The following DICER1 variants were observed in gnomAD, a reference collection of about 807,000 sequenced individuals.
DICER1 encodes the protein dicer 1, ribonuclease III.
A neutral mutation model predicts 194.1 loss-of-function variants in DICER1; 43 were observed. The ratio of observed to expected loss-of-function variants is 0.22; its 90% CI spans 0.17 to 0.29. DICER1 has a LOEUF of 0.29. DICER1 is among the 10% of genes least tolerant of loss of function. The pLI is 1.00. For synonymous variants in DICER1, 832 were observed against 820.5 expected, an observed-to-expected ratio of 1.01 and a Z score of -0.24; for missense variants, 1,608 against 2,317.0, an observed-to-expected ratio of 0.69 and a Z score of 6.28.
At chr14:95,102,261 G>A (rs904781440) in intron 21 of DICER1, among the ~76,000 whole-genome samples, 1 of 152,114 alleles carries the variant, frequency 6.6e-6, no homozygotes, top group African/African-American at 2.4e-5. Flanking sequence ...CTCTGCTTCT[G>A]CTGTTGGTTT....
intron 21 of DICER1, among the ~76,000 whole-genome samples, chr14:95,102,517 C>T (rs767851059): frequency 5.9e-5 from 9 of 152,162 alleles, no homozygotes; most frequent in African/African-American, 1.2e-4. Flanking sequence ...GCTTCCCTGA[C>T]GCTGACATGC....
intron 1 of DICER1, among the ~76,000 whole-genome samples, chr14:95,142,772 G>A (rs1048586390): frequency 2.0e-4 from 31 of 152,098 alleles, no homozygotes; most frequent in African/African-American, 7.0e-4. Context: ...AAACAGGCAC[G>A]CCACATATCA....
chr14:95,090,989 G>C (rs868783360), intron 26 of DICER1, 45 bp downstream of exon 26: 16 of 1,523,788 alleles, frequency 1.1e-5, no homozygotes, highest in Admixed American at 1.7e-5. Context: ...TTTCCCCTTT[G>C]ATGTTTTTAA....
At chr14:95,126,523 T>C in intron 7 of DICER1, 57 bp downstream of exon 7, 2 of 1,163,570 alleles carry the variant, frequency 1.7e-6, no homozygotes, top group Non-Finnish European at 2.5e-6. Context: ...ATTTCAATAT[T>C]AAAAATTAAC....
At chr14:95,153,020 T>C (rs1895613009) in intron 1 of DICER1, among the ~76,000 whole-genome samples, 1 of 151,898 alleles carries the variant, frequency 6.6e-6, no homozygotes, top group African/African-American at 2.4e-5. Context: ...ATCAAGACCA[T>C]CCTGGCTAAA....
intron 21 of DICER1, among the ~76,000 whole-genome samples, chr14:95,100,829 C>T (rs28492915): frequency 0.016 from 2,465 of 152,242 alleles, 60 homozygotes; most frequent in African/African-American, 0.057. Flanking sequence ...CCTGAGGGAA[C>T]GATGGCAGCA....
At chr14:95,138,947 C>A (rs1894627060) in intron 1 of DICER1, among the ~76,000 whole-genome samples, 1 of 139,404 alleles carries the variant, frequency 7.2e-6, no homozygotes, top group African/African-American at 2.6e-5. Flanking sequence ...TGCACATGTA[C>A]CCTAAAACTT....
Position 95,086,462 on chromosome 14 carries a change from T to C in DICER1, c.*4036A>G, listed in dbSNP as rs1252940486. 2 of 233,288 alleles carry C rather than the reference T, an allele frequency of 8.6e-6. No individual in the cohort carries two copies. The highest frequency in any genetic ancestry group is 1.7e-5 in the Non-Finnish European group (2 of 117,902). The allele number at this position is 233,288 out of a possible 1,614,324, so 14.5% of individuals were successfully genotyped here. A position where few individuals can be genotyped will look rare whatever the true frequency, so the allele number is the denominator to read the frequency against. On this transcript the variant is annotated 3_prime_UTR_variant, in exon 27 of 27. Transcript: ENST00000343455. ...CTTGATTTTAGTAATTTTCCTTCAC[T>C]ATTTACAGCAGAAAAGCCAGAAATT...
At chr14:95,120,475 A>G (rs1423317773) in intron 8 of DICER1, among the ~76,000 whole-genome samples, 1 of 152,232 alleles carries the variant, frequency 6.6e-6, no homozygotes, top group African/African-American at 2.4e-5. Context: ...TTCACAAAAT[A>G]TACATCCACA....
At chr14:95,111,761 A>G (rs933915847) in intron 13 of DICER1, among the ~76,000 whole-genome samples, 1 of 151,836 alleles carries the variant, frequency 6.6e-6, no homozygotes, top group African/African-American at 2.4e-5. Flanking sequence ...CCACTTATAC[A>G]GGAGCAGGAT....
intron 10 of DICER1, among the ~76,000 whole-genome samples, 182 bp from the exon 11 acceptor site, chr14:95,116,003 C>T (rs1230485324): frequency 6.6e-6 from 1 of 151,888 alleles, no homozygotes; most frequent in Non-Finnish European, 1.5e-5. Context: ...CAGTTCCAAT[C>T]GTATGGAGAC....
At chr14:95,153,412 T>C (rs1042087827) in intron 1 of DICER1, among the ~76,000 whole-genome samples, 1 of 152,238 alleles carries the variant, frequency 6.6e-6, no homozygotes, top group Non-Finnish European at 1.5e-5. Context: ...CCTGTATTAC[T>C]AAAGCTTTTC....
At chr14:95,108,145 C>A (rs772362287) in intron 15 of DICER1, 52 bp from the exon 16 acceptor site, 4 of 1,436,238 alleles carry the variant, frequency 2.8e-6, no homozygotes, top group Non-Finnish European at 3.9e-6. Context: ...GTATTTTATT[C>A]CATTACAGTT....
intron 14 of DICER1, among the ~76,000 whole-genome samples, chr14:95,109,467 C>T (rs1891757637): frequency 6.6e-6 from 1 of 152,208 alleles, no homozygotes; most frequent in Admixed American, 6.5e-5. Context: ...TTCCTGGCCT[C>T]AAGTGATCCT....
rs368963384 is a variant in DICER1 at position 95,096,100 on chromosome 14, C to A, written c.4820G>T (p.Arg1607Leu). ...TDREKALCPT[R>L]ENFNSQQKNL... ...CTTTTGTTGGCTGTTGAAATTCTCC[C>A]GAGTAGGGCACAGGGCCTTTTCCCG... Residue 1607 changes from arginine (R) to leucine (L), a missense_variant, in exon 23 of 27, where the codon CGG becomes CTG. Physicochemically the swap from Arg to Leu is moderately radical, Grantham distance 102. Transcript: ENST00000343455. 1.2e-6 allele frequency: 2 copies of A among 1,614,144 alleles called. No homozygotes were observed. The highest frequency in any genetic ancestry group is 1.7e-5 in the Admixed American group (1 of 60,012).
chr14:95,097,785 G>C (rs1890494673), intron 22 of DICER1, among the ~76,000 whole-genome samples: 1 of 152,118 alleles, frequency 6.6e-6, no homozygotes, highest in Non-Finnish European at 1.5e-5. Context: ...CACTACATTT[G>C]TCTGAAAAGA....
Position 95,124,788 on chromosome 14 carries a change from A to T in DICER1, c.904-120T>A. On this transcript the variant is annotated intron_variant, in intron 7 of 26. Transcript: ENST00000343455. This position sits in a 1 kb window ranked among gnomAD's most constrained non-coding sequence, Gnocchi z 4.5. ...GGCTCCTTAAATGTAACCCAGCCTT[A>T]GGTTAAGTCCCTGAAGGTGGGGGGA... 3 of 843,962 alleles carry T rather than the reference A, an allele frequency of 3.6e-6. No individual in the cohort carries two copies. The highest frequency in any genetic ancestry group is 5.7e-6 in the Non-Finnish European group (3 of 527,974). The allele number at this position is 843,962 out of a possible 1,614,324, so 52.3% of individuals were successfully genotyped here.
chr14:95,106,363 C>A (rs1213772299), intron 17 of DICER1, 140 bp from the exon 18 acceptor site: 5 of 691,020 alleles, frequency 7.2e-6, no homozygotes, highest in African/African-American at 1.8e-5. Context: ...ATCTGTATTC[C>A]AAATATATTT....
chr14:95,133,780 AAAATAAG>A (rs1395289234), intron 1 of DICER1, among the ~76,000 whole-genome samples: 1 of 152,204 alleles, frequency 6.6e-6, no homozygotes. Flanking sequence ...TTATTACTTA[AAAATAAG>A]AAATAACTTT....
Sources: gnomAD v4.1 joint callset for allele counts (sites outside exome capture counted in the v4.1 genomes callset) on GRCh38, gnomAD v4.1.1 for gene constraint, Gnocchi (gnomAD v3.1) non-coding constraint, MANE v1.5 for transcripts, NCBI Gene and HGNC (gene_info 2026-07-23, HGNC 2026-07-21) for gene names.